The following GRM8 variants were observed in gnomAD, a reference collection of about 807,000 sequenced individuals.
GRM8 encodes glutamate metabotropic receptor 8.
In GRM8, 47 loss-of-function variants were observed where a neutral mutation model predicts 87.2. That is an observed-to-expected ratio of 0.54 (90% CI 0.43 to 0.69). The LOEUF (loss-of-function observed/expected upper bound fraction) is 0.69. Ranked by LOEUF, GRM8 falls within the 30% of genes least tolerant of loss-of-function variation. The pLI is 0.00. For missense variants in GRM8, 1,019 were observed against 1,139.2 expected (o/e 0.89, Z 1.52); for synonymous variants, 396 against 404.5 (o/e 0.98, Z 0.25).
chr7:127,241,295 T>C (rs928268856), intron 2 of GRM8, among the ~76,000 whole-genome samples: 1 of 152,194 alleles, frequency 6.6e-6, no homozygotes, highest in Non-Finnish European at 1.5e-5. Context: ...AAGCCAGAAA[T>C]CCTTTGATTC....
At chr7:126,920,718 A>G (rs1804429763) in intron 3 of GRM8, among the ~76,000 whole-genome samples, 2 of 152,164 alleles carry the variant, frequency 1.3e-5, no homozygotes. Context: ...AACACAGCTG[A>G]AGACATAGTG....
At chr7:126,870,972 A>G (rs2130898656) in intron 6 of GRM8, among the ~76,000 whole-genome samples, 1 of 152,328 alleles carries the variant, frequency 6.6e-6, no homozygotes, top group East Asian at 1.9e-4. Context: ...TTTGAGAGGA[A>G]AACTTATTTT....
Position 126,768,926 on chromosome 7 carries a change from G to T in GRM8, c.1357+939C>A, listed in dbSNP as rs367746158. Among the ~76,000 whole-genome samples, 5 of 70,970 alleles carry T rather than the reference G, an allele frequency of 7.0e-5. No individual in the cohort carries two copies. The East Asian group carries it at 1.1e-3, about 16-fold the overall frequency. The allele number at this position is 70,970 out of a possible 152,430, so 46.6% of individuals were successfully genotyped here. A position where few individuals can be genotyped will look rare whatever the true frequency, so the allele number is the denominator to read the frequency against. ...CTTAGGTTGCCTTTAAAGGAAAAAT[G>T]CAAAAAAAAAAAAAATAAAGAAGAA... On this transcript the variant is annotated intron_variant, in intron 7 of 10. Coordinates refer to ENST00000339582, the MANE Select transcript of GRM8 (RefSeq NM_000845.3).
intron 8 of GRM8, among the ~76,000 whole-genome samples, chr7:126,599,064 T>C (rs944003606): frequency 6.6e-6 from 1 of 152,128 alleles, no homozygotes; most frequent in African/African-American, 2.4e-5. Context: ...GCCCATTCAA[T>C]GGCAGATGCT....
chr7:126,700,228 T>TC (rs776649104), intron 7 of GRM8, among the ~76,000 whole-genome samples: 17 of 152,118 alleles, frequency 1.1e-4, no homozygotes, highest in African/African-American at 1.7e-4. Context: ...ATATTAAAAA[T>TC]CTATTTCATT....
intron 3 of GRM8, among the ~76,000 whole-genome samples, chr7:126,992,552 G>A (rs1812762090): frequency 6.6e-6 from 1 of 152,038 alleles, no homozygotes; most frequent in South Asian, 2.1e-4. Context: ...CAACAGGTGG[G>A]CACAGGCAGT....
intron 3 of GRM8, among the ~76,000 whole-genome samples, chr7:127,015,001 AAAG>A (rs538403014): frequency 0.13 from 7,834 of 59,526 alleles, 656 homozygotes; most frequent in Non-Finnish European, 0.14. Flanking sequence ...GAAGAAGAAG[AAAG>A]AAGAAGAAGA....
chr7:126,866,497 A>G (rs1469791549), intron 6 of GRM8, among the ~76,000 whole-genome samples: 2 of 150,876 alleles, frequency 1.3e-5, no homozygotes, highest in East Asian at 1.9e-4. Flanking sequence ...GCTTAATCCA[A>G]CATCACAAAG....
At chr7:127,119,724 C>A (rs1826920174) in intron 2 of GRM8, among the ~76,000 whole-genome samples, 1 of 152,068 alleles carries the variant, frequency 6.6e-6, no homozygotes, top group African/African-American at 2.4e-5. Flanking sequence ...TTTGTTTGTT[C>A]TCGTTTTTCA....
chr7:126,828,775 T>C (rs1043639326), intron 6 of GRM8, among the ~76,000 whole-genome samples: 5 of 152,200 alleles, frequency 3.3e-5, no homozygotes, highest in African/African-American at 1.2e-4. Flanking sequence ...GCTTCTCTAG[T>C]TCTTTTAATT....
intron 2 of GRM8, among the ~76,000 whole-genome samples, chr7:127,146,730 C>T (rs1052038898): frequency 1.3e-5 from 2 of 151,932 alleles, no homozygotes; most frequent in African/African-American, 2.4e-5. Context: ...CTACTAATCC[C>T]CTCCCCTTCA....
intron 3 of GRM8, among the ~76,000 whole-genome samples, chr7:126,912,702 G>A (rs114973621): frequency 0.017 from 2,533 of 152,222 alleles, 69 homozygotes; most frequent in African/African-American, 0.057. Flanking sequence ...AGGAATAACA[G>A]GTCATGCACT....
chr7:126,974,238 A>G (rs2131801626), intron 3 of GRM8, among the ~76,000 whole-genome samples: 1 of 152,332 alleles, frequency 6.6e-6, no homozygotes, highest in African/African-American at 2.4e-5. Context: ...CCCAAATCTG[A>G]AACACTTCTG....
At chr7:127,032,555 T>G (rs1020024002) in intron 3 of GRM8, among the ~76,000 whole-genome samples, 5 of 152,200 alleles carry the variant, frequency 3.3e-5, no homozygotes, top group African/African-American at 1.2e-4. Context: ...AGCCCTGTAC[T>G]TTGTAAAGGT....
intron 3 of GRM8, among the ~76,000 whole-genome samples, chr7:127,019,855 T>A (rs931565351): frequency 6.6e-6 from 1 of 152,072 alleles, no homozygotes; most frequent in African/African-American, 2.4e-5. Flanking sequence ...TTAAATGAGA[T>A]CCTTTATAAA....
At chr7:126,954,197 A>C (rs1808452150) in intron 3 of GRM8, among the ~76,000 whole-genome samples, 1 of 152,148 alleles carries the variant, frequency 6.6e-6, no homozygotes, top group South Asian at 2.1e-4. Context: ...CACCCTTAGA[A>C]ATATCAAAGG....
At chr7:127,121,153 T>C (rs1827065249) in intron 2 of GRM8, among the ~76,000 whole-genome samples, 1 of 152,238 alleles carries the variant, frequency 6.6e-6, no homozygotes, top group Non-Finnish European at 1.5e-5. Flanking sequence ...TGTCTGATTG[T>C]TACTGCTTTA....
At chr7:126,550,239 C>A (rs527333231) in intron 8 of GRM8, among the ~76,000 whole-genome samples, 1 of 151,954 alleles carries the variant, frequency 6.6e-6, no homozygotes, top group African/African-American at 2.4e-5. Context: ...CTCAGTCCCC[C>A]GAGCAACTGG....
intron 6 of GRM8, among the ~76,000 whole-genome samples, chr7:126,821,091 G>T (rs748323142): frequency 3.9e-5 from 6 of 152,204 alleles, no homozygotes; most frequent in Non-Finnish European, 8.8e-5. Flanking sequence ...GACGGAGCAA[G>T]ACTCTGTCTC....
Sources: allele counts gnomAD v4.1 joint callset (sites outside exome capture counted in the v4.1 genomes callset), GRCh38; gene constraint gnomAD v4.1.1; transcripts MANE v1.5; gene names NCBI Gene and HGNC (gene_info 2026-07-23, HGNC 2026-07-21).